The following CCDC3 variants were observed in gnomAD, a reference collection of about 807,000 sequenced individuals.
CCDC3 encodes the protein coiled-coil domain containing 3, also known as coiled-coil domain-containing protein 3.
In CCDC3, 24 loss-of-function variants were observed where a neutral mutation model predicts 21.4. The observed-to-expected ratio is 1.12, with a 90% CI of 0.81 to 1.58. The LOEUF (loss-of-function observed/expected upper bound fraction) is 1.58. CCDC3 is among the 40% of genes most tolerant of loss of function. CCDC3 has a pLI of 0.00. For missense variants in CCDC3, 425 were observed against 360.9 expected, an observed-to-expected ratio of 1.18 and a Z score of -1.44; for synonymous variants, 186 against 166.0, an observed-to-expected ratio of 1.12 and a Z score of -0.93.
intron 4 of CCDC3, among the ~76,000 whole-genome samples, chr10:13,062,838 A>T (rs12261944): frequency 0.74 from 111,751 of 151,638 alleles, 41,313 homozygotes; most frequent in Admixed American, 0.79. Context: ...AGATCAGTGC[A>T]TGAGATATTT....
chr10:13,030,887 A>G (rs1202830309), intron 5 of CCDC3, among the ~76,000 whole-genome samples: 1 of 152,152 alleles, frequency 6.6e-6, no homozygotes, highest in East Asian at 1.9e-4. Flanking sequence ...CTCCCACACA[A>G]TAATAATGGG....
In CCDC3 at chr10:12,903,726, T is replaced by C. The variant is rs1383912536; in HGVS notation, c.550-5047A>G. 3.3e-5 allele frequency among the ~76,000 whole-genome samples: 5 copies of C among 152,246 alleles called. No individual in the cohort carries two copies. The East Asian group carries it at 7.7e-4, about 23-fold the overall frequency. ...AATAGGATGCCTGCCTAAGGGCAGA[T>C]GGGAAGATTGCCCTGGGAGCCTGCT... On this transcript the variant is annotated intron_variant, in intron 2 of 2. Transcript: ENST00000378825.
intron 2 of CCDC3, among the ~76,000 whole-genome samples, chr10:12,952,603 T>A (rs1296279179): frequency 6.6e-6 from 1 of 152,218 alleles, no homozygotes; most frequent in Non-Finnish European, 1.5e-5. Flanking sequence ...TTGCCCCATT[T>A]TGAACTTCAT....
chr10:13,059,773 G>A (rs1339881066), intron 4 of CCDC3, among the ~76,000 whole-genome samples: 1 of 152,056 alleles, frequency 6.6e-6, no homozygotes, highest in Non-Finnish European at 1.5e-5. Flanking sequence ...TGAACTCTCT[G>A]AGTAAAATCC....
chr10:13,091,324 G>A (rs1206758062), intron 3 of CCDC3, among the ~76,000 whole-genome samples: 2 of 152,132 alleles, frequency 1.3e-5, no homozygotes, highest in African/African-American at 4.8e-5. Flanking sequence ...GGGTGATTAG[G>A]TCATGAGAGG....
At chr10:13,052,429 G>A (rs1405304374) in intron 4 of CCDC3, among the ~76,000 whole-genome samples, 1 of 152,150 alleles carries the variant, frequency 6.6e-6, no homozygotes, top group Non-Finnish European at 1.5e-5. Flanking sequence ...GATCAGGTAC[G>A]TTGTTTTATT....
In CCDC3 at chr10:12,897,864, G is replaced by A. The variant is rs1160166530; in HGVS notation, c.*552C>T. 4 of 152,818 alleles carry A rather than the reference G, an allele frequency of 2.6e-5. No homozygotes were observed. Among genetic ancestry groups the A allele is most frequent in the Non-Finnish European group, 5.8e-5 (4 of 68,512 alleles). The allele number at this position is 152,818 out of a possible 1,614,324, so 9.5% of individuals were successfully genotyped here. On this transcript the variant is annotated 3_prime_UTR_variant, in exon 3 of 3. Coordinates refer to ENST00000378825, the MANE Select transcript of CCDC3 (RefSeq NM_031455.4). ...AGTCTTCACCTGCCTCAGCTGGAAG[G>A]AAAATGCTGGCTGGATAGGGAGGCC...
At chr10:13,093,980 G>C (rs1186607468) in intron 3 of CCDC3, among the ~76,000 whole-genome samples, 1 of 152,122 alleles carries the variant, frequency 6.6e-6, no homozygotes, top group Non-Finnish European at 1.5e-5. Flanking sequence ...CAAATCACCA[G>C]CTCTGGCTAA....
chr10:13,002,086 T>A (rs1189886930), upstream of CCDC3, among the ~76,000 whole-genome samples: 1 of 152,248 alleles, frequency 6.6e-6, no homozygotes, highest in Non-Finnish European at 1.5e-5. Context: ...AGAAACCAAA[T>A]CTGACTTTAT....
chr10:12,950,459 A>G (rs182490608), intron 2 of CCDC3, among the ~76,000 whole-genome samples: 2 of 152,304 alleles, frequency 1.3e-5, no homozygotes, highest in African/African-American at 4.8e-5. Context: ...GCAACAATCT[A>G]AAGAATTCAT....
intron 2 of CCDC3, among the ~76,000 whole-genome samples, chr10:12,943,520 T>A (rs1202750339): frequency 2.0e-5 from 3 of 152,230 alleles, no homozygotes; most frequent in Non-Finnish European, 2.9e-5. Context: ...AAGGGATACT[T>A]GGAAGCCAGG....
chr10:12,904,666 C>A (rs1179041055), intron 2 of CCDC3, among the ~76,000 whole-genome samples: 5 of 151,900 alleles, frequency 3.3e-5, no homozygotes, highest in African/African-American at 4.8e-5. Flanking sequence ...GCTCTTTACC[C>A]GGAGCCTCCA....
At chr10:13,016,541 G>A (rs1834407410) in intron 5 of CCDC3, among the ~76,000 whole-genome samples, 1 of 151,856 alleles carries the variant, frequency 6.6e-6, no homozygotes, top group Non-Finnish European at 1.5e-5. Context: ...TGGTATCCTT[G>A]GGAGGCAGGA....
chr10:13,047,338 C>T (rs921210894), intron 5 of CCDC3, among the ~76,000 whole-genome samples: 3 of 152,136 alleles, frequency 2.0e-5, no homozygotes, highest in Admixed American at 6.6e-5. Flanking sequence ...GGTGACAGAC[C>T]GGCAGCTGGA....
intron 2 of CCDC3, among the ~76,000 whole-genome samples, chr10:12,923,778 T>G (rs1418101023): frequency 6.6e-6 from 1 of 152,222 alleles, no homozygotes; most frequent in African/African-American, 2.4e-5. Flanking sequence ...GGGCAGGTAC[T>G]CGGTACATTT....
At chr10:13,001,157 C>CAG (rs150639288) in intron 1 of CCDC3, 40 bp downstream of exon 1, 164 of 1,475,752 alleles carry the variant, frequency 1.1e-4, no homozygotes, top group South Asian at 6.7e-4. Context: ...GGAGGTGGCG[C>CAG]AGAGAGAGAG....
Position 13,070,944 on chromosome 10 carries a change from C to T in CCDC3, c.-270+2924G>A, listed in dbSNP as rs565639917. ...TTGCCTACATTTTAGACGAACCCTG[C>T]TTGTTCCTGTGAACCAAACAGCAAT... On this transcript the variant is annotated intron_variant, in intron 4 of 6. Coordinates refer to the CCDC3 transcript ENST00000378839. 1.2e-4 allele frequency among the ~76,000 whole-genome samples: 19 copies of T among 152,274 alleles called. No individual in the cohort carries two copies. In the South Asian group the frequency reaches 1.5e-3, roughly 12 times the overall value.
chr10:12,929,708 C>T (rs1041777247), intron 2 of CCDC3, among the ~76,000 whole-genome samples: 35 of 152,198 alleles, frequency 2.3e-4, no homozygotes, highest in Non-Finnish European at 1.0e-4. Flanking sequence ...GCCCCAAAGC[C>T]GAGCCCATTG....
At chr10:13,015,849 A>T (rs1470886235) in intron 5 of CCDC3, among the ~76,000 whole-genome samples, 1 of 152,048 alleles carries the variant, frequency 6.6e-6, no homozygotes, top group Non-Finnish European at 1.5e-5. Context: ...TACAAAAACT[A>T]GTTAGAAAGA....
Sources: allele counts gnomAD v4.1 joint callset (sites outside exome capture counted in the v4.1 genomes callset), GRCh38; gene constraint gnomAD v4.1.1; transcripts MANE v1.5; gene names NCBI Gene and HGNC (gene_info 2026-07-23, HGNC 2026-07-21).